The following PCDHGC5 variants were observed in gnomAD, a reference collection of about 807,000 sequenced individuals.
PCDHGC5 encodes protocadherin gamma subfamily C, 5, also known as protocadherin gamma-C5.
PCDHGC5 carries 25 observed loss-of-function variants against 59.0 expected under a neutral mutation model. That is an observed-to-expected ratio of 0.42 (90% CI 0.31 to 0.59). The LOEUF (loss-of-function observed/expected upper bound fraction) is 0.59, where lower values mean the gene tolerates loss of function less well. Among genes scored for constraint, PCDHGC5 ranks in the 20% least tolerant of loss-of-function variants. The pLI is 0.13. For missense variants in PCDHGC5, 1,067 were observed against 1,206.4 expected (o/e 0.88, Z 1.71); for synonymous variants, 434 against 505.5 (o/e 0.86, Z 1.90).
chr5:141,508,777 AG>A (rs1428861784), intron 3 of PCDHGC5, among the ~76,000 whole-genome samples: 3 of 150,778 alleles, frequency 2.0e-5, no homozygotes, highest in Non-Finnish European at 4.4e-5. Context: ...TCCCCCCTCT[AG>A]CCCCTAAATC....
At chr5:141,500,185 TTTA>T (rs549090582) in intron 2 of PCDHGC5, among the ~76,000 whole-genome samples, 1 of 55,104 alleles carries the variant, frequency 1.8e-5, no homozygotes, top group Non-Finnish European at 3.2e-5. Flanking sequence ...CATTTTTATT[TTTA>T]TTTATTTATT....
chr5:141,490,051 G>A lies in PCDHGC5; in HGVS notation c.811G>A (p.Glu271Lys), dbSNP rs779280988. The A allele has an allele frequency of 6.2e-6, 10 of 1,614,094 alleles. No homozygotes were observed. Among genetic ancestry groups the A allele is most frequent in the Admixed American group, 5.0e-5 (3 of 60,012 alleles). ...CCGCCTCAATGCCACTGATCCAGAC[G>A]AGGGCACCAACGGCCAACTAGACTA... The part of the protein sequence containing the change: ...LLRLNATDPD[E>K]GTNGQLDYSF... Residue 271 changes from glutamate (E) to lysine (K), a missense_variant, in exon 1 of 4, where the codon GAG becomes AAG. Coordinates refer to ENST00000252087, the MANE Select transcript of PCDHGC5 (RefSeq NM_018929.3). The surrounding 1 kb of genome is among the most constrained non-coding windows in gnomAD (Gnocchi z 5.4).
intron 3 of PCDHGC5, among the ~76,000 whole-genome samples, chr5:141,506,444 C>CA (rs1219684339): frequency 0.017 from 1,570 of 94,842 alleles, 20 homozygotes; most frequent in African/African-American, 0.048. Flanking sequence ...CGCTCTGTCT[C>CA]AAAAAAAAAA....
rs1186225096 is a variant in PCDHGC5, at chr5:141,490,605, C to G, written c.1365C>G (p.Asn455Lys). The G allele has an allele frequency of 1.1e-5, 18 of 1,614,198 alleles. No homozygotes were observed. Among genetic ancestry groups the G allele is most frequent in the Non-Finnish European group, 1.5e-5 (18 of 1,180,030 alleles). The change falls in exon 1 of 4, where the codon AAC becomes AAG. Residue 455 changes from asparagine to lysine, a missense_variant. Asn to Lys is a moderately conservative substitution (Grantham distance 94). Transcript: ENST00000252087. The surrounding 1 kb of genome is among the most constrained non-coding windows in gnomAD (Gnocchi z 5.4). ...SDVNDNAPRFNQQLYTAYILE... is the reference protein window; with the variant it reads ...SDVNDNAPRFKQQLYTAYILE... ...TCAATGACAATGCACCCCGCTTCAACCAGCAGCTTTACACTGCTTACATCC... is the reference window on the plus strand; with the variant it reads ...TCAATGACAATGCACCCCGCTTCAAGCAGCAGCTTTACACTGCTTACATCC...
rs1416755901 is a variant in PCDHGC5 at position 141,489,721 on chromosome 5, G to C, written c.481G>C (p.Asp161His). The C allele has an allele frequency of 6.2e-7, 1 of 1,614,016 alleles. No homozygotes were observed. The highest frequency in any genetic ancestry group is 8.5e-7 in the Non-Finnish European group (1 of 1,179,966). The change falls in exon 1 of 4, where the codon GAT becomes CAT. Residue 161 changes from aspartate (D) to histidine (H), a missense_variant. Asp to His is a moderately conservative substitution (Grantham distance 81, BLOSUM62 -1). Coordinates refer to ENST00000252087, the MANE Select transcript of PCDHGC5 (RefSeq NM_018929.3). The surrounding 1 kb of genome is among the most constrained non-coding windows in gnomAD (Gnocchi z 4.5). ...CCCACTGGACAGTGCCCAGGATCCGGATGTGGGCACCAATACTGTGAGCTT... is the reference window on the plus strand; with the variant it reads ...CCCACTGGACAGTGCCCAGGATCCGCATGTGGGCACCAATACTGTGAGCTT... ...RFPLDSAQDP[D>H]VGTNTVSFYT...
intron 3 of PCDHGC5, among the ~76,000 whole-genome samples, chr5:141,509,450 C>A (rs2099876883): frequency 6.6e-6 from 1 of 152,128 alleles, no homozygotes; most frequent in Non-Finnish European, 1.5e-5. Context: ...CCTCTCCCAC[C>A]CCCGACCCAG....
rs2099693161 is a variant in PCDHGC5, at chr5:141,489,871, G to T, written c.631G>T (p.Val211Leu). ...TGAAGCCCAGGCAAGACATCAGCTG[G>T]TGCTTACTGCTGTGGATGGGGGGAC... Reference protein sequence around the residue: ...DREAQARHQLVLTAVDGGTPA... With the variant: ...DREAQARHQLLLTAVDGGTPA... The change falls in exon 1 of 4, where the codon GTG becomes TTG. Residue 211 changes from valine to leucine, a missense_variant. Val to Leu is a conservative substitution (Grantham distance 32). Coordinates refer to ENST00000252087, the MANE Select transcript of PCDHGC5 (RefSeq NM_018929.3). This position sits in a 1 kb window ranked among gnomAD's most constrained non-coding sequence, Gnocchi z 4.5. The T allele has an allele frequency of 6.2e-7, 1 of 1,614,088 alleles. No homozygotes were observed. Among genetic ancestry groups the T allele is most frequent in the Non-Finnish European group, 8.5e-7 (1 of 1,180,022 alleles).
rs779949480 is a variant in PCDHGC5, at chr5:141,489,768, C to G, written c.528C>G (p.Ser176Arg). The G allele has an allele frequency of 6.2e-7, 1 of 1,614,134 alleles. No individual in the cohort carries two copies. The highest frequency in any genetic ancestry group is 1.1e-5 in the South Asian group (1 of 91,072). The change falls in exon 1 of 4, where the codon AGC becomes AGG. Residue 176 changes from serine to arginine, a missense_variant. Coordinates refer to ENST00000252087, the MANE Select transcript of PCDHGC5 (RefSeq NM_018929.3). The surrounding 1 kb of genome is among the most constrained non-coding windows in gnomAD (Gnocchi z 4.5). ...TVSFYTLSPN[S>R]HFSLNVKTLK... is the part of the protein sequence containing the mutation. ...GCTTTTACACTCTAAGCCCCAACAG[C>G]CACTTCTCTCTGAATGTGAAGACCC...
At chr5:141,492,197 TA>T (rs2099738125) in intron 1 of PCDHGC5, among the ~76,000 whole-genome samples, 1 of 152,200 alleles carries the variant, frequency 6.6e-6, no homozygotes, top group African/African-American at 2.4e-5. Flanking sequence ...CTGCGGGACT[TA>T]GGTGTGCGCG....
At position 141,490,982 on chromosome 5, in the gene PCDHGC5, G is replaced by T; in HGVS notation, c.1742G>T (p.Arg581Leu). ...CACTCAGCCCCCCAGCGTCTCCCTC[G>T]CTCTGCTCCTCCTGGCTCCTTGGTC... ...WEHSAPQRLP[R>L]SAPPGSLVTK... Residue 581 changes from arginine to leucine, a missense_variant, in exon 1 of 4, where the codon CGC becomes CTC. Coordinates refer to ENST00000252087, the MANE Select transcript of PCDHGC5 (RefSeq NM_018929.3). This position sits in a 1 kb window ranked among gnomAD's most constrained non-coding sequence, Gnocchi z 5.4. 1.2e-6 allele frequency: 2 copies of T among 1,613,994 alleles called. No individual in the cohort carries two copies. The highest frequency in any genetic ancestry group is 1.7e-6 in the Non-Finnish European group (2 of 1,180,002).
intron 3 of PCDHGC5, among the ~76,000 whole-genome samples, chr5:141,508,855 C>T (rs2099872444): frequency 6.6e-6 from 1 of 152,020 alleles, no homozygotes; most frequent in Non-Finnish European, 1.5e-5. Flanking sequence ...CATTCCCAGG[C>T]TGGGAAAGGC....
intron 1 of PCDHGC5, 62 bp from the exon 2 acceptor site, chr5:141,494,745 G>T: frequency 1.2e-6 from 2 of 1,612,802 alleles, no homozygotes; most frequent in African/African-American, 1.3e-5. Context: ...ATCCCTAGGG[G>T]CTCGGGTGAC....
Position 141,489,897 on chromosome 5 carries a change from C to G in PCDHGC5, c.657C>G (p.Thr219=). ...TGCTTACTGCTGTGGATGGGGGGAC[C>G]CCAGCCCGCTCAGGGACCACCCTTA... is the stretch of plus-strand genomic sequence containing the variant. ...QLVLTAVDGG[T]PARSGTTLIS... Residue 219 remains threonine, a synonymous_variant, in exon 1 of 4, where the codon ACC becomes ACG. Transcript: ENST00000252087. This position sits in a 1 kb window ranked among gnomAD's most constrained non-coding sequence, Gnocchi z 4.5. 1 of 1,614,162 alleles carries G rather than the reference C, an allele frequency of 6.2e-7. No individual in the cohort carries two copies. Among genetic ancestry groups the G allele is most frequent in the Non-Finnish European group, 8.5e-7 (1 of 1,180,016 alleles).
rs1468315559 is a variant in PCDHGC5 at position 141,493,636 on chromosome 5, G to A, written c.2461-1171G>A. 1.3e-5 allele frequency among the ~76,000 whole-genome samples: 2 copies of A among 152,130 alleles called. No individual in the cohort carries two copies. Among genetic ancestry groups the A allele is most frequent in the Non-Finnish European group, 2.9e-5 (2 of 68,040 alleles). The stretch of plus-strand genomic sequence containing the variant: ...TGTGTCTAAGAATACAGTGGCTGAG[G>A]GCTGGCCATCCCTGTGCCCTTCTCC... On this transcript the variant is annotated intron_variant, in intron 1 of 3. Transcript: ENST00000252087. The surrounding 1 kb of genome is among the most constrained non-coding windows in gnomAD (Gnocchi z 4.3).
rs1304361659 is a variant in PCDHGC5 at position 141,494,859 on chromosome 5, C to T, written c.2513C>T (p.Thr838Ile). 2 of 1,614,134 alleles carry T rather than the reference C, an allele frequency of 1.2e-6. No individual in the cohort carries two copies. The highest frequency in any genetic ancestry group is 8.5e-7 in the Non-Finnish European group (1 of 1,180,012). Reference protein sequence around the residue: ...WRFSQAQRPGTSGSQNGDDTG... With the variant: ...WRFSQAQRPGISGSQNGDDTG... Reference sequence around the variant, plus strand: ...TTCTCTCAGGCCCAGAGACCCGGCACCAGCGGGTAGGTGACTGATTCTCCA... The same window carrying T: ...TTCTCTCAGGCCCAGAGACCCGGCATCAGCGGGTAGGTGACTGATTCTCCA... Residue 838 changes from threonine to isoleucine, a missense_variant, in exon 2 of 4, where the codon ACC becomes ATC. By Grantham distance (89) the Thr-to-Ile change is moderately conservative. Coordinates refer to ENST00000252087, the MANE Select transcript of PCDHGC5 (RefSeq NM_018929.3).
chr5:141,511,462 C>T lies in PCDHGC5; in HGVS notation c.*289C>T, dbSNP rs1385398410. On this transcript the variant is annotated 3_prime_UTR_variant, in exon 4 of 4. Transcript: ENST00000252087. Reference sequence around the variant, plus strand: ...AGACACCAAGAACCATTTGCCACACCCCGTTTAGTTACAGCTGAACTCCTC... The same window carrying T: ...AGACACCAAGAACCATTTGCCACACTCCGTTTAGTTACAGCTGAACTCCTC... 5.4e-6 allele frequency: 3 copies of T among 556,350 alleles called. No individual in the cohort carries two copies. In the South Asian group the frequency reaches 6.3e-5, roughly 12 times the overall value. 34.5% of individuals were successfully genotyped at this position (556,350 alleles called of 1,614,324 possible).
chr5:141,491,253 T>C lies in PCDHGC5; in HGVS notation c.2013T>C (p.Pro671=), dbSNP rs71583648. The C allele has an allele frequency of 2.3e-3, 3,639 of 1,614,176 alleles. 33 individuals carry two copies. The African/African-American group carries it at 0.026, about 11-fold the overall frequency. Reference sequence around the variant, plus strand: ...TGCTGGTTCTGGAGGATGAGGACCCTGAGGAAATGCCCAAATCCAGTGACT... The same window carrying C: ...TGCTGGTTCTGGAGGATGAGGACCCCGAGGAAATGCCCAAATCCAGTGACT... ...TVLLVLEDED[P]EEMPKSSDFL... is the part of the protein sequence containing the mutation. Residue 671 remains proline (P), a synonymous_variant, in exon 1 of 4, where the codon CCT becomes CCC. Coordinates refer to ENST00000252087, the MANE Select transcript of PCDHGC5 (RefSeq NM_018929.3). This position sits in a 1 kb window ranked among gnomAD's most constrained non-coding sequence, Gnocchi z 6.9.
In PCDHGC5 at chr5:141,511,540, C is replaced by CTA; in HGVS notation, c.*367_*368insTA. ...ATCCCATGCCTCCCTCCTCCCCACC[C>CTA]CACTCCAACAGTTCCTCTTTCCCGA... On this transcript the variant is annotated 3_prime_UTR_variant, in exon 4 of 4. Transcript: ENST00000252087. 3.0e-6 allele frequency: 1 copy of CTA among 328,024 alleles called. No individual in the cohort carries two copies. Among genetic ancestry groups the CTA allele is most frequent in the South Asian group, 3.2e-5 (1 of 31,610 alleles). 20.3% of individuals were successfully genotyped at this position (328,024 alleles called of 1,614,324 possible). A position where few individuals can be genotyped will look rare whatever the true frequency, so the allele number is the denominator to read the frequency against.
chr5:141,508,043 T>A (rs2099865910), intron 3 of PCDHGC5: 1 of 152,252 alleles, frequency 6.6e-6, no homozygotes, highest in Non-Finnish European at 1.5e-5. Context: ...CAGCCAGCTG[T>A]GTTCCAGCTA....
Sources: allele counts gnomAD v4.1 joint callset (sites outside exome capture counted in the v4.1 genomes callset), GRCh38; gene constraint gnomAD v4.1.1; non-coding constraint Gnocchi (gnomAD v3.1); transcripts MANE v1.5; gene names NCBI Gene and HGNC (gene_info 2026-07-23, HGNC 2026-07-21).